Variants in DOK6 observed in about 807,000 individuals in gnomAD.
The protein encoded by DOK6 is docking protein 6.
DOK6 carries 22 observed loss-of-function variants against 44.0 expected under a neutral mutation model. The ratio of observed to expected loss-of-function variants is 0.50; its 90% CI spans 0.36 to 0.71. DOK6 has a LOEUF of 0.71. DOK6 is among the 30% of genes least tolerant of loss of function. The pLI, the probability that DOK6 is intolerant of heterozygous loss-of-function variation, is 0.00. For missense variants in DOK6, 340 were observed against 416.4 expected (o/e 0.82, Z 1.60); for synonymous variants, 166 against 145.5 (o/e 1.14, Z -1.01).
chr18:69,800,924 C>T lies in DOK6; in HGVS notation c.857-40320C>T, dbSNP rs1247973517. On this transcript the variant is annotated intron_variant, in intron 7 of 7. Transcript: ENST00000382713. ...AGTTTATTTTAAAGTACATGTTCTT[C>T]TGAGTAAAATAATGCATAGCCACCA... 2.0e-5 allele frequency among the ~76,000 whole-genome samples: 3 copies of T among 151,916 alleles called. No homozygotes were observed. The East Asian group carries it at 5.8e-4, about 29-fold the overall frequency.
rs145432432 is a variant in DOK6 at position 69,753,685 on chromosome 18, T to C, written c.739-4071T>C. On this transcript the variant is annotated intron_variant, in intron 6 of 7. Transcript: ENST00000382713. ...ATCAATGCCTCCTAATCTAGTTGATTTCTGTATGTATGCCAGAGCATCGTT... is the reference window on the plus strand; with the variant it reads ...ATCAATGCCTCCTAATCTAGTTGATCTCTGTATGTATGCCAGAGCATCGTT... 1.3e-3 allele frequency among the ~76,000 whole-genome samples: 203 copies of C among 152,354 alleles called. 1 individual carries two copies. The highest frequency in any genetic ancestry group is 4.8e-3 in the African/African-American group (198 of 41,576).
At chr18:69,691,744 A>G (rs1986273053) in intron 4 of DOK6, among the ~76,000 whole-genome samples, 1 of 152,152 alleles carries the variant, frequency 6.6e-6, no homozygotes, top group African/African-American at 2.4e-5. Context: ...CATCTTGAAA[A>G]CACCCACACC....
chr18:69,548,385 A>AT (rs756301327), intron 1 of DOK6, among the ~76,000 whole-genome samples: 103 of 151,444 alleles, frequency 6.8e-4, no homozygotes, highest in Non-Finnish European at 1.1e-3. Context: ...ATTTTTAGGT[A>AT]TTTCTAATAA....
intron 6 of DOK6, among the ~76,000 whole-genome samples, chr18:69,739,741 C>T (rs1184986638): frequency 6.6e-6 from 1 of 152,036 alleles, no homozygotes; most frequent in Non-Finnish European, 1.5e-5. Flanking sequence ...CTTGAAAAAG[C>T]AAACAATGAA....
chr18:69,775,108 G>T (rs987177618), intron 7 of DOK6, among the ~76,000 whole-genome samples: 4 of 151,632 alleles, frequency 2.6e-5, no homozygotes, highest in Non-Finnish European at 4.4e-5. Flanking sequence ...GAGGCCAGAT[G>T]CAATAAAAGC....
intron 7 of DOK6, among the ~76,000 whole-genome samples, chr18:69,811,560 ATATATATATATATATATC>A (rs1200383262): frequency 0.01 from 153 of 14,582 alleles, 3 homozygotes; most frequent in South Asian, 0.037. Flanking sequence ...ATATATATAT[ATATATATATATATATATC>A]AAAACACTAC....
intron 3 of DOK6, among the ~76,000 whole-genome samples, chr18:69,611,949 T>TACACACACACACAC: frequency 6.7e-6 from 1 of 150,194 alleles, no homozygotes; most frequent in South Asian, 2.1e-4. Flanking sequence ...ATATAAAACT[T>TACACACACACACAC]ACACACACAC....
At chr18:69,781,078 A>G (rs761624345) in intron 7 of DOK6, among the ~76,000 whole-genome samples, 14 of 152,204 alleles carry the variant, frequency 9.2e-5, no homozygotes, top group Non-Finnish European at 1.8e-4. Flanking sequence ...CTACCAAGAG[A>G]AAACACTCTG....
chr18:69,574,437 G>A (rs1257807269), intron 2 of DOK6, among the ~76,000 whole-genome samples: 2 of 152,044 alleles, frequency 1.3e-5, no homozygotes, highest in Non-Finnish European at 2.9e-5. Context: ...AAAGTACACA[G>A]GAACAGTTAA....
At chr18:69,540,757 A>T (rs1227838099) in intron 1 of DOK6, among the ~76,000 whole-genome samples, 1 of 151,832 alleles carries the variant, frequency 6.6e-6, no homozygotes, top group Non-Finnish European at 1.5e-5. Flanking sequence ...TAATTACCTT[A>T]TGCTTTGTTA....
chr18:69,517,395 ACT>A, intron 1 of DOK6, among the ~76,000 whole-genome samples: 1 of 152,206 alleles, frequency 6.6e-6, no homozygotes, highest in Non-Finnish European at 1.5e-5. Context: ...TCAATTGGCA[ACT>A]CTTTTTTCAA....
intron 3 of DOK6, among the ~76,000 whole-genome samples, chr18:69,604,184 G>A (rs1333791056): frequency 6.6e-6 from 1 of 152,102 alleles, no homozygotes; most frequent in Non-Finnish European, 1.5e-5. Context: ...GGCTTATTTA[G>A]TATACTAATT....
chr18:69,579,336 T>C (rs1318658625), intron 2 of DOK6, among the ~76,000 whole-genome samples: 1 of 152,224 alleles, frequency 6.6e-6, no homozygotes, highest in Non-Finnish European at 1.5e-5. Flanking sequence ...CTTTTTAGAA[T>C]CAAGTTAATC....
intron 3 of DOK6, among the ~76,000 whole-genome samples, chr18:69,657,945 T>TTTTG (rs902420132): frequency 7.9e-5 from 12 of 152,034 alleles, no homozygotes; most frequent in African/African-American, 1.7e-4. Flanking sequence ...CTGTTGTTGT[T>TTTTG]TTTGTTTGTT....
intron 2 of DOK6, among the ~76,000 whole-genome samples, chr18:69,570,774 C>T (rs1308178859): frequency 6.6e-6 from 1 of 151,908 alleles, no homozygotes; most frequent in East Asian, 1.9e-4. Flanking sequence ...GACACACACA[C>T]ACAAAAAAGT....
chr18:69,435,037 A>AGGACGGAAGGAAGGAAGGAAGGAC (rs796877837), intron 1 of DOK6, among the ~76,000 whole-genome samples: 5 of 78,314 alleles, frequency 6.4e-5, no homozygotes, highest in African/African-American at 2.5e-4. Flanking sequence ...GAAGGAAGGA[A>AGGACGGAAGGAAGGAAGGAAGGAC]GGAAGGAAGG....
chr18:69,748,450 C>G (rs781303679), intron 6 of DOK6, among the ~76,000 whole-genome samples: 6 of 152,030 alleles, frequency 3.9e-5, no homozygotes, highest in Non-Finnish European at 8.8e-5. Flanking sequence ...GGCACTTACT[C>G]TAAAATTTAT....
intron 7 of DOK6, among the ~76,000 whole-genome samples, chr18:69,822,561 T>C (rs1284809218): frequency 6.6e-6 from 1 of 152,222 alleles, no homozygotes; most frequent in East Asian, 1.9e-4. Flanking sequence ...TAATCCAGCC[T>C]GACATTTCCC....
chr18:69,777,641 T>C (rs1209431717), intron 7 of DOK6, among the ~76,000 whole-genome samples: 2 of 151,738 alleles, frequency 1.3e-5, no homozygotes, highest in East Asian at 3.9e-4. Flanking sequence ...TCTGAGATGA[T>C]ATATTTAATT....
Sources: allele counts gnomAD v4.1 joint callset (sites outside exome capture counted in the v4.1 genomes callset), GRCh38; gene constraint gnomAD v4.1.1; transcripts MANE v1.5; gene names NCBI Gene and HGNC (gene_info 2026-07-23, HGNC 2026-07-21).